The following VIT variants were observed in gnomAD, a reference collection of about 807,000 sequenced individuals.
VIT encodes the protein vitrin.
A neutral mutation model predicts 78.0 loss-of-function variants in VIT; 99 were observed. The observed-to-expected ratio is 1.27, with a 90% CI of 1.08 to 1.50. VIT has a LOEUF of 1.50. VIT is among the 40% of genes most tolerant of loss of function. The pLI, the probability that VIT is intolerant of heterozygous loss-of-function variation, is 0.00. For synonymous variants in VIT, 374 were observed against 334.3 expected (o/e 1.12, Z -1.29); for missense variants, 1,126 against 875.3 (o/e 1.29, Z -3.61).
At position 36,808,530 on chromosome 2, in the gene VIT, A is replaced by T. The variant is rs1216617275; in HGVS notation, c.1448A>T (p.His483Leu). ...SLHVQSWFGLHKTLQPLVKRV... is the reference protein window; with the variant it reads ...SLHVQSWFGLLKTLQPLVKRV... ...CACGTGCAGAGCTGGTTTGGCCTCC[A>T]CAAGACCCTGCAGCCTCTGGTGAAG... Residue 483 changes from histidine (H) to leucine (L), a missense_variant, in exon 15 of 16, where the codon CAC becomes CTC. Transcript: ENST00000379242. 6.2e-7 allele frequency: 1 copy of T among 1,613,988 alleles called. No homozygotes were observed.
At chr2:36,760,797 CCAGCAGCCCCCTGGGG>C (rs1309285106) in intron 6 of VIT, among the ~76,000 whole-genome samples, 1 of 152,216 alleles carries the variant, frequency 6.6e-6, no homozygotes, top group East Asian at 1.9e-4. Flanking sequence ...ATGCCTGGTT[CCAGCAGCCCCCTGGGG>C]CAGCCCCTTC....
intron 5 of VIT, among the ~76,000 whole-genome samples, chr2:36,756,158 G>A (rs772241213): frequency 3.3e-5 from 5 of 151,924 alleles, no homozygotes; most frequent in East Asian, 1.9e-4. Context: ...GGGTTTCTCC[G>A]TGTTTGTCAG....
At chr2:36,809,958 T>C (rs1572586391) in intron 15 of VIT, among the ~76,000 whole-genome samples, 1 of 121,346 alleles carries the variant, frequency 8.2e-6, no homozygotes, top group Admixed American at 1.1e-4. Flanking sequence ...ACCACCACAC[T>C]CCAGCCTGGG....
At chr2:36,771,302 G>A (rs1034165465) in intron 7 of VIT, among the ~76,000 whole-genome samples, 4 of 152,162 alleles carry the variant, frequency 2.6e-5, no homozygotes, top group Non-Finnish European at 4.4e-5. Flanking sequence ...GGCCAAGGCG[G>A]GCGGATCACG....
chr2:36,769,477 A>G (rs1049375025), intron 7 of VIT, among the ~76,000 whole-genome samples: 2 of 152,118 alleles, frequency 1.3e-5, no homozygotes, highest in Admixed American at 6.5e-5. Flanking sequence ...GCCCACTTCT[A>G]TGGTGATCCA....
chr2:36,702,635 A>G (rs1350658466), intron 1 of VIT, among the ~76,000 whole-genome samples: 1 of 152,076 alleles, frequency 6.6e-6, no homozygotes, highest in African/African-American at 2.4e-5. Context: ...CACCAACGGT[A>G]GTCTCTTCGT....
At chr2:36,760,978 A>T (rs1558548156) in intron 6 of VIT, among the ~76,000 whole-genome samples, 1 of 151,896 alleles carries the variant, frequency 6.6e-6, no homozygotes, top group Non-Finnish European at 1.5e-5. Context: ...AGAGATCCCT[A>T]GGGCAGAAAC....
intron 15 of VIT, among the ~76,000 whole-genome samples, chr2:36,811,387 T>C (rs1207138095): frequency 6.6e-6 from 1 of 152,210 alleles, no homozygotes; most frequent in Non-Finnish European, 1.5e-5. Flanking sequence ...GAGGGTATCC[T>C]TGGCCTACTC....
intron 13 of VIT, among the ~76,000 whole-genome samples, chr2:36,804,415 G>A (rs1184623722): frequency 1.3e-5 from 2 of 152,186 alleles, no homozygotes; most frequent in Admixed American, 6.5e-5. Context: ...CAGGCTGCAG[G>A]GGGCCAAGAA....
At chr2:36,814,065 G>C in intron 15 of VIT, 118 bp from the exon 16 acceptor site, 6 of 1,274,750 alleles carry the variant, frequency 4.7e-6, no homozygotes, top group Non-Finnish European at 6.4e-6. Context: ...GTTTTGTTTT[G>C]TTTGGGCATA....
chr2:36,706,483 T>G (rs1483228850), intron 1 of VIT, among the ~76,000 whole-genome samples: 3 of 152,060 alleles, frequency 2.0e-5, no homozygotes, highest in Admixed American at 1.3e-4. Flanking sequence ...TGGTGAGAAA[T>G]GAAGGGATCT....
At chr2:36,793,121 C>T (rs1056921133) in intron 12 of VIT, among the ~76,000 whole-genome samples, 10 of 152,138 alleles carry the variant, frequency 6.6e-5, no homozygotes, top group African/African-American at 2.4e-4. Context: ...ACTTCCCCAA[C>T]ACTCACTGAG....
At chr2:36,767,072 G>C (rs1669473928) in intron 6 of VIT, 22 bp from the exon 7 acceptor site, 4 of 1,558,174 alleles carry the variant, frequency 2.6e-6, no homozygotes, top group Non-Finnish European at 3.5e-6. Context: ...GTGGGCCTTG[G>C]TATAATTCCA....
At chr2:36,782,775 T>C (rs1664848099) in intron 10 of VIT, among the ~76,000 whole-genome samples, 1 of 152,226 alleles carries the variant, frequency 6.6e-6, no homozygotes, top group African/African-American at 2.4e-5. Flanking sequence ...AATCTCTACT[T>C]CTAGTCTCAA....
chr2:36,781,894 C>T, intron 10 of VIT, 123 bp downstream of exon 10: 5 of 1,170,466 alleles, frequency 4.3e-6, no homozygotes, highest in Non-Finnish European at 4.9e-6. Flanking sequence ...TTTCTAATGG[C>T]TCCCGCCTCT....
At chr2:36,801,272 A>T (rs992189882) in intron 12 of VIT, 29 bp from the exon 13 acceptor site, 2 of 1,575,348 alleles carry the variant, frequency 1.3e-6, no homozygotes, top group Non-Finnish European at 1.7e-6. Context: ...CTTTGCAGCT[A>T]ATTTGTATTT....
chr2:36,746,424 A>G (rs553534728), intron 4 of VIT, among the ~76,000 whole-genome samples: 2 of 152,054 alleles, frequency 1.3e-5, no homozygotes, highest in Admixed American at 6.5e-5. Flanking sequence ...CTGTGAATCT[A>G]TCTGGTCCAG....
intron 13 of VIT, among the ~76,000 whole-genome samples, chr2:36,804,953 T>C (rs1666598705): frequency 6.6e-6 from 1 of 152,140 alleles, no homozygotes; most frequent in African/African-American, 2.4e-5. Flanking sequence ...GGCTGCACAT[T>C]GTGAACGTAC....
chr2:36,728,895 C>T (rs1378528658), intron 2 of VIT, among the ~76,000 whole-genome samples: 1 of 149,660 alleles, frequency 6.7e-6, no homozygotes, highest in African/African-American at 2.5e-5. Flanking sequence ...ATAAAATCTA[C>T]GGCTTTGTAC....
Sources: gnomAD v4.1 joint callset for allele counts (sites outside exome capture counted in the v4.1 genomes callset) on GRCh38, gnomAD v4.1.1 for gene constraint, MANE v1.5 for transcripts, NCBI Gene and HGNC (gene_info 2026-07-23, HGNC 2026-07-21) for gene names.